Variants in NID2 observed in about 807,000 individuals in gnomAD.
NID2 encodes the protein nidogen-2.
NID2 carries 83 observed loss-of-function variants against 145.4 expected under a neutral mutation model. That is an observed-to-expected ratio of 0.57 (90% CI 0.48 to 0.69). The LOEUF is 0.69. NID2 is among the 30% of genes least tolerant of loss of function. The pLI, the probability that NID2 is intolerant of heterozygous loss-of-function variation, is 0.00. For synonymous variants in NID2, 739 were observed against 701.3 expected (o/e 1.05, Z -0.85); for missense variants, 1,807 against 1,765.7 (o/e 1.02, Z -0.42).
intron 9 of NID2, among the ~76,000 whole-genome samples, chr14:52,036,352 CT>C (rs1595031642): frequency 6.6e-6 from 1 of 152,094 alleles, no homozygotes; most frequent in East Asian, 1.9e-4. Context: ...TACTTCATTC[CT>C]TTTTATGGTT....
At chr14:52,050,232 C>G (rs1892640876) in intron 5 of NID2, among the ~76,000 whole-genome samples, 1 of 152,218 alleles carries the variant, frequency 6.6e-6, no homozygotes, top group Non-Finnish European at 1.5e-5. Context: ...TGGTCCCAGG[C>G]AGCTGAAGCC....
At chr14:52,018,839 AGAGGCAAAT>A (rs1891303958) in intron 14 of NID2, among the ~76,000 whole-genome samples, 1 of 152,238 alleles carries the variant, frequency 6.6e-6, no homozygotes, top group South Asian at 2.1e-4. Flanking sequence ...CAAGGGTCTA[AGAGGCAAAT>A]GTGTAACAGA....
intron 2 of NID2, among the ~76,000 whole-genome samples, chr14:52,065,515 T>G (rs1001152825): frequency 6.9e-6 from 1 of 144,308 alleles, no homozygotes; most frequent in African/African-American, 2.5e-5. Flanking sequence ...TATTTATTTT[T>G]TATTATACTC....
At chr14:52,028,903 T>C in intron 10 of NID2, 53 bp from the exon 11 acceptor site, 1 of 1,592,598 alleles carries the variant, frequency 6.3e-7, no homozygotes, top group East Asian at 2.2e-5. Context: ...GTCCCAGAAG[T>C]GGAGGGTCTA....
chr14:52,051,257 A>G (rs1346463483), intron 5 of NID2, among the ~76,000 whole-genome samples: 1 of 152,236 alleles, frequency 6.6e-6, no homozygotes, highest in East Asian at 1.9e-4. Flanking sequence ...TGGTTTAGCA[A>G]GATGACTACC....
At chr14:52,040,525 T>C (rs1050491670) in intron 8 of NID2, 126 bp downstream of exon 8, 10 of 776,048 alleles carry the variant, frequency 1.3e-5, no homozygotes, top group African/African-American at 1.2e-4. Flanking sequence ...AATAACATAA[T>C]AGAGCTCATT....
chr14:52,007,897 T>C lies in NID2; in HGVS notation c.3793A>G (p.Arg1265Gly), dbSNP rs1241530256. 6.2e-7 allele frequency: 1 copy of C among 1,613,840 alleles called. No individual in the cohort carries two copies. Among genetic ancestry groups the C allele is most frequent in the African/African-American group, 1.3e-5 (1 of 74,934 alleles). Reference sequence around the variant, plus strand: ...ATGTCTGTATTGATCAGAATTCTTCTGTTTTCTCCATCTAAAGATGACGTT... The same window carrying C: ...ATGTCTGTATTGATCAGAATTCTTCCGTTTTCTCCATCTAAAGATGACGTT... ...IETSSLDGEN[R>G]RILINTDIGL... The change falls in exon 19 of 22, where the codon AGA (arginine) becomes GGA (glycine). Residue 1265 changes from arginine (R) to glycine (G), a missense_variant. Physicochemically the swap from Arg to Gly is moderately radical, Grantham distance 125. Transcript: ENST00000216286.
rs150749752 is a variant in NID2, at chr14:52,034,431, A to G, written c.2257+4316T>C. 3.4e-4 allele frequency among the ~76,000 whole-genome samples: 52 copies of G among 152,326 alleles called. No homozygotes were observed. In the East Asian group the frequency reaches 7.3e-3, roughly 21 times the overall value. ...TAAATCTCTCTTTGAGAAATCTACT[A>G]CAGCAATCTTTCCCTTTCTAATTTA... On this transcript the variant is annotated intron_variant, in intron 9 of 21. Transcript: ENST00000216286.
intron 20 of NID2, 103 bp downstream of exon 20, chr14:52,006,434 G>A (rs1459172535): frequency 7.6e-7 from 1 of 1,324,502 alleles, no homozygotes; most frequent in African/African-American, 1.5e-5. Flanking sequence ...AAGCCTCAGA[G>A]GGCTTAATGA....
intron 13 of NID2, among the ~76,000 whole-genome samples, chr14:52,019,773 A>C (rs1234966026): frequency 6.6e-6 from 1 of 152,124 alleles, no homozygotes. Context: ...TCAACACTTC[A>C]TCCAAATTGC....
At chr14:52,029,165 C>T (rs975750291) in intron 10 of NID2, among the ~76,000 whole-genome samples, 8 of 152,044 alleles carry the variant, frequency 5.3e-5, no homozygotes, top group Admixed American at 2.0e-4. Context: ...AAATTTCTAC[C>T]GTTGCCTTTT....
At chr14:52,045,459 G>A (rs1243055169) in intron 5 of NID2, among the ~76,000 whole-genome samples, 2 of 150,388 alleles carry the variant, frequency 1.3e-5, no homozygotes, top group Non-Finnish European at 3.0e-5. Context: ...ATTCCAGTTT[G>A]ATAAAAATAG....
At chr14:52,026,745 T>C (rs1566752255) in intron 12 of NID2, among the ~76,000 whole-genome samples, 1 of 152,254 alleles carries the variant, frequency 6.6e-6, no homozygotes, top group Non-Finnish European at 1.5e-5. Context: ...AGTTTTGATA[T>C]GTGTCTTTTT....
intron 5 of NID2, among the ~76,000 whole-genome samples, chr14:52,044,011 C>T (rs1374418885): frequency 2.6e-5 from 4 of 152,056 alleles, no homozygotes; most frequent in Non-Finnish European, 5.9e-5. Flanking sequence ...AGGACACCCA[C>T]CCTACTCTTA....
chr14:52,005,499 G>C lies in NID2; in HGVS notation c.4118-3C>G. 1.3e-6 allele frequency: 2 copies of C among 1,598,696 alleles called. No homozygotes were observed. The highest frequency in any genetic ancestry group is 3.5e-5 in the Admixed American group (2 of 56,838). ...ACATTACTGTACTTACTTTCTTCCT[G>C]TGAGAGAAGAGCAGGGGTGGGACAG... is the stretch of plus-strand genomic sequence containing the variant. On this transcript the variant is annotated splice_region_variant and splice_polypyrimidine_tract_variant and intron_variant, in intron 21 of 21. Coordinates refer to ENST00000216286, the MANE Select transcript of NID2 (RefSeq NM_007361.4).
chr14:52,022,432 C>G (rs1303463150), intron 12 of NID2, among the ~76,000 whole-genome samples: 1 of 152,142 alleles, frequency 6.6e-6, no homozygotes, highest in African/African-American at 2.4e-5. Context: ...AGACTAGAGT[C>G]CCGGGACCTG....
At chr14:52,045,632 T>C (rs1257795093) in intron 5 of NID2, among the ~76,000 whole-genome samples, 1 of 150,688 alleles carries the variant, frequency 6.6e-6, no homozygotes, top group Non-Finnish European at 1.5e-5. Flanking sequence ...TGTCTATTAG[T>C]TTAAGAAAGG....
rs764925164 is a variant in NID2 at position 52,054,150 on chromosome 14, G to A, written c.939C>T (p.Asp313=). The A allele has an allele frequency of 6.8e-6, 11 of 1,614,112 alleles. No homozygotes were observed. In the South Asian group the frequency reaches 1.2e-4, roughly 18 times the overall value. ...ATALESDYNE[D]NLDYYDVNEE... ...CATTCACATCATAGTAATCCAAATTGTCCTCATTATAGTCACTTTCCAGGG... is the reference window on the plus strand; with the variant it reads ...CATTCACATCATAGTAATCCAAATTATCCTCATTATAGTCACTTTCCAGGG... Residue 313 remains aspartate, a synonymous_variant, in exon 4 of 22, where the codon GAC becomes GAT. Transcript: ENST00000216286.
intron 7 of NID2, among the ~76,000 whole-genome samples, chr14:52,041,574 G>T (rs902926409): frequency 6.6e-6 from 1 of 152,160 alleles, no homozygotes; most frequent in African/African-American, 2.4e-5. Context: ...CTCCTAGCTT[G>T]GTAGAAAAGC....
Sources: gnomAD v4.1 joint callset for allele counts (sites outside exome capture counted in the v4.1 genomes callset) on GRCh38, gnomAD v4.1.1 for gene constraint, MANE v1.5 for transcripts, NCBI Gene and HGNC (gene_info 2026-07-23, HGNC 2026-07-21) for gene names.